The following TAFA1 variants were observed in gnomAD, a reference collection of about 807,000 sequenced individuals.
The protein encoded by TAFA1 is chemokine-like protein TAFA-1.
A neutral mutation model predicts 18.5 loss-of-function variants in TAFA1; 4 were observed. The ratio of observed to expected loss-of-function variants is 0.22; its 90% confidence interval spans 0.11 to 0.49. The LOEUF (loss-of-function observed/expected upper bound fraction) is 0.49. TAFA1 is among the 20% of genes least tolerant of loss of function. TAFA1 has a pLI of 0.98. For synonymous variants in TAFA1, 56 were observed against 55.2 expected (o/e 1.01, Z -0.06); for missense variants, 147 against 169.0 (o/e 0.87, Z 0.72).
chr3:68,524,085 G>A (rs1261108938), intron 3 of TAFA1, among the ~76,000 whole-genome samples: 2 of 152,066 alleles, frequency 1.3e-5, no homozygotes, highest in East Asian at 3.9e-4. Flanking sequence ...CATTTCTCAC[G>A]ATTCTGTGTG....
intron 2 of TAFA1, among the ~76,000 whole-genome samples, chr3:68,369,949 C>T (rs988391760): frequency 7.2e-5 from 11 of 151,788 alleles, no homozygotes; most frequent in African/African-American, 2.4e-4. Flanking sequence ...AGCTGAATGC[C>T]GAAATGTATA....
chr3:68,011,765 G>A (rs1369966827), intron 2 of TAFA1, among the ~76,000 whole-genome samples: 4 of 152,184 alleles, frequency 2.6e-5, no homozygotes, highest in African/African-American at 9.6e-5. Context: ...GCAAGCTGGT[G>A]CTTAGTGATA....
intron 2 of TAFA1, among the ~76,000 whole-genome samples, chr3:68,060,184 CTGTG>C (rs1007217157): frequency 4.9e-5 from 7 of 143,990 alleles, no homozygotes; most frequent in African/African-American, 1.3e-4. Context: ...ACCATTGCAA[CTGTG>C]TGTGTGTGTG....
chr3:68,122,820 G>A (rs1005937571), intron 2 of TAFA1, among the ~76,000 whole-genome samples: 28 of 151,370 alleles, frequency 1.8e-4, no homozygotes, highest in Admixed American at 7.9e-4. Flanking sequence ...GTGTGTGTGT[G>A]TATGTGTGTG....
rs551875598 is a variant in TAFA1, at chr3:68,452,778, C to T, written c.259+35358C>T. Among the ~76,000 whole-genome samples the T allele has an allele frequency of 2.0e-5, 3 of 152,190 alleles. No homozygotes were observed. In the South Asian group the frequency reaches 6.2e-4, roughly 32 times the overall value. On this transcript the variant is annotated intron_variant, in intron 3 of 4. Transcript: ENST00000478136. ...TTGTTTTCTAGATATTGAACATGCC[C>T]ATTTAACATATTTAATGTGTTTCTG...
At chr3:68,080,835 A>T (rs1035784646) in intron 2 of TAFA1, among the ~76,000 whole-genome samples, 3 of 152,002 alleles carry the variant, frequency 2.0e-5, no homozygotes, top group African/African-American at 4.8e-5. Flanking sequence ...TGTTCTCTAT[A>T]TTTCCTGAAT....
intron 2 of TAFA1, among the ~76,000 whole-genome samples, chr3:68,303,448 T>TG (rs932489078): frequency 2.0e-5 from 3 of 150,944 alleles, no homozygotes; most frequent in South Asian, 2.1e-4. Context: ...AAATTCTTTT[T>TG]GTTTTTTTTT....
intron 2 of TAFA1, among the ~76,000 whole-genome samples, chr3:68,163,845 T>TA (rs1264795321): frequency 6.6e-6 from 1 of 152,222 alleles, no homozygotes; most frequent in Non-Finnish European, 1.5e-5. Flanking sequence ...GTAGACCGTG[T>TA]AACCAGTCAA....
At chr3:68,120,197 C>A (rs1168868916) in intron 2 of TAFA1, among the ~76,000 whole-genome samples, 1 of 79,416 alleles carries the variant, frequency 1.3e-5, no homozygotes, top group Non-Finnish European at 2.5e-5. Context: ...TTCTTTCTTT[C>A]TTTCTTTCTT....
At chr3:68,539,911 C>T (rs1206317433) in intron 4 of TAFA1, among the ~76,000 whole-genome samples, 1 of 152,054 alleles carries the variant, frequency 6.6e-6, no homozygotes, top group East Asian at 1.9e-4. Flanking sequence ...AGGCCTGATC[C>T]ACCATACCCA....
chr3:68,083,461 T>C (rs994827974), intron 2 of TAFA1, among the ~76,000 whole-genome samples: 1 of 152,244 alleles, frequency 6.6e-6, no homozygotes, highest in Admixed American at 6.5e-5. Context: ...ACTGAGATTA[T>C]AGATGATTTC....
At chr3:68,482,552 T>G (rs2072257432) in intron 3 of TAFA1, among the ~76,000 whole-genome samples, 1 of 152,204 alleles carries the variant, frequency 6.6e-6, no homozygotes, top group African/African-American at 2.4e-5. Flanking sequence ...CCCCTAGGTC[T>G]TAAAAGATGA....
intron 2 of TAFA1, among the ~76,000 whole-genome samples, chr3:68,182,820 T>C (rs963250648): frequency 6.6e-6 from 1 of 152,210 alleles, no homozygotes; most frequent in African/African-American, 2.4e-5. Flanking sequence ...TAGTTTATTA[T>C]TTAGTGATAA....
At chr3:68,344,743 C>A (rs1433157162) in intron 2 of TAFA1, among the ~76,000 whole-genome samples, 7 of 152,164 alleles carry the variant, frequency 4.6e-5, no homozygotes, top group Admixed American at 6.5e-5. Context: ...AATATCTACA[C>A]AGTCTTTAGC....
intron 3 of TAFA1, among the ~76,000 whole-genome samples, chr3:68,524,548 A>T (rs929483641): frequency 6.6e-6 from 1 of 152,192 alleles, no homozygotes; most frequent in African/African-American, 2.4e-5. Context: ...TGGCATTATT[A>T]AACCACTATT....
At chr3:68,268,957 G>T (rs543876691) in intron 2 of TAFA1, among the ~76,000 whole-genome samples, 1 of 152,160 alleles carries the variant, frequency 6.6e-6, no homozygotes, top group East Asian at 1.9e-4. Context: ...AACTAATGTG[G>T]ATATTTCTTC....
At chr3:68,366,221 G>A (rs1246103804) in intron 2 of TAFA1, among the ~76,000 whole-genome samples, 1 of 152,074 alleles carries the variant, frequency 6.6e-6, no homozygotes, top group African/African-American at 2.4e-5. Context: ...GAAATTATGG[G>A]AGCTACAATT....
the TAFA1 span, among the ~76,000 whole-genome samples, chr3:67,993,913 G>C: frequency 6.6e-6 from 1 of 151,990 alleles, no homozygotes; most frequent in Admixed American, 6.6e-5. Flanking sequence ...TCAAGGGGAG[G>C]GGGGAGCACT....
chr3:68,238,699 G>C (rs973570947), intron 2 of TAFA1, among the ~76,000 whole-genome samples: 1 of 152,032 alleles, frequency 6.6e-6, no homozygotes, highest in African/African-American at 2.4e-5. Context: ...TAAAAGTTTT[G>C]TAATATCTTA....
Sources: gnomAD v4.1 joint callset for allele counts (sites outside exome capture counted in the v4.1 genomes callset) on GRCh38, gnomAD v4.1.1 for gene constraint, MANE v1.5 for transcripts, NCBI Gene and HGNC (gene_info 2026-07-23, HGNC 2026-07-21) for gene names.